Variants in GABBR2 observed in about 807,000 individuals in gnomAD.
The protein encoded by GABBR2 is gamma-aminobutyric acid type B receptor subunit 2.
Under a neutral mutation model 105.6 loss-of-function variants are expected in GABBR2, and 23 were observed. That is an observed-to-expected ratio of 0.22 (90% CI 0.16 to 0.31). GABBR2 has a LOEUF of 0.31. GABBR2 is among the 10% of genes least tolerant of loss of function. The probability of loss-of-function intolerance (pLI) is 1.00; values close to 1 mark genes in which losing one functional copy is unlikely to be tolerated. For missense variants in GABBR2, 734 were observed against 1,245.5 expected (o/e 0.59, Z 6.18); for synonymous variants, 478 against 499.7 (o/e 0.96, Z 0.58).
chr9:98,361,570 G>A (rs1831583356), intron 13 of GABBR2, among the ~76,000 whole-genome samples: 1 of 152,184 alleles, frequency 6.6e-6, no homozygotes, highest in African/African-American at 2.4e-5. Context: ...CTGTTCTGTT[G>A]CCTACCTTGC....
chr9:98,501,079 A>G (rs534396897), intron 3 of GABBR2, among the ~76,000 whole-genome samples: 1 of 151,968 alleles, frequency 6.6e-6, no homozygotes, highest in South Asian at 2.1e-4. Flanking sequence ...GAATGTATTA[A>G]CTGAGCAAGG....
chr9:98,591,588 G>T (rs772324073), intron 1 of GABBR2, among the ~76,000 whole-genome samples: 12 of 152,146 alleles, frequency 7.9e-5, no homozygotes, highest in Non-Finnish European at 1.5e-4. Flanking sequence ...CTGGTGGATG[G>T]CTTGGCAAGC....
chr9:98,454,832 C>G lies in GABBR2; in HGVS notation c.1000-615G>C, dbSNP rs1217509722. ...GCTCAGTCCATACCTCCTTCCCCTT[C>G]TAGCATCAGTAGCTCCCTGTACCCT... On this transcript the variant is annotated intron_variant, in intron 6 of 18. Transcript: ENST00000259455. The surrounding 1 kb of genome is among the most constrained non-coding windows in gnomAD (Gnocchi z 4.6). Among the ~76,000 whole-genome samples, 1 of 150,772 alleles carries G rather than the reference C, an allele frequency of 6.6e-6. No homozygotes were observed. Among genetic ancestry groups the G allele is most frequent in the African/African-American group, 2.4e-5 (1 of 41,162 alleles).
intron 1 of GABBR2, among the ~76,000 whole-genome samples, chr9:98,697,005 G>A (rs1830761385): frequency 6.6e-6 from 1 of 152,072 alleles, no homozygotes; most frequent in South Asian, 2.1e-4. Context: ...GTTTTTATCG[G>A]AGAAAAAAAA....
intron 1 of GABBR2, among the ~76,000 whole-genome samples, chr9:98,702,452 T>C (rs1397422649): frequency 1.3e-5 from 2 of 152,200 alleles, no homozygotes; most frequent in Non-Finnish European, 2.9e-5. Flanking sequence ...AGGCTCATTC[T>C]GTCTCCAGTC....
intron 17 of GABBR2, among the ~76,000 whole-genome samples, chr9:98,297,002 A>G (rs981298217): frequency 7.9e-5 from 12 of 152,052 alleles, no homozygotes; most frequent in Non-Finnish European, 1.6e-4. Context: ...GGTTTCTTCT[A>G]GTACTTTCAT....
intron 1 of GABBR2, among the ~76,000 whole-genome samples, chr9:98,601,682 T>C (rs963109442): frequency 6.6e-6 from 1 of 152,172 alleles, no homozygotes; most frequent in Admixed American, 6.5e-5. Context: ...CAAAGTCAGC[T>C]CTGTTAAAAA....
At chr9:98,580,182 GC>G (rs1360239584) in intron 1 of GABBR2, among the ~76,000 whole-genome samples, 16 of 152,020 alleles carry the variant, frequency 1.1e-4, no homozygotes, top group African/African-American at 3.9e-4. Context: ...CCACCTCTGG[GC>G]CTTTGCACTT....
intron 5 of GABBR2, among the ~76,000 whole-genome samples, chr9:98,476,631 T>C (rs1015990091): frequency 3.3e-5 from 5 of 152,338 alleles, no homozygotes; most frequent in Non-Finnish European, 7.4e-5. Context: ...TGGTAACCCA[T>C]AGTTTCATTC....
chr9:98,605,981 A>G (rs1235156896), intron 1 of GABBR2, among the ~76,000 whole-genome samples: 2 of 151,154 alleles, frequency 1.3e-5, no homozygotes, highest in Admixed American at 6.6e-5. Flanking sequence ...GTGTCCAAGC[A>G]TTCTCATTGT....
At position 98,288,594 on chromosome 9, in the gene GABBR2, A is replaced by AAAATT. The variant is rs1359160828; in HGVS notation, c.*1985_*1989dup. On this transcript the variant is annotated 3_prime_UTR_variant, in exon 19 of 19. Coordinates refer to ENST00000259455, the MANE Select transcript of GABBR2 (RefSeq NM_005458.8). The stretch of plus-strand genomic sequence containing the variant: ...CAATTAATTGTCTCTTTCCCTTTGA[A>AAAATT]AAATTAATGTGGTCCTTTAAATTAA... 1 of 152,604 alleles carries AAAATT rather than the reference A, an allele frequency of 6.6e-6. No individual in the cohort carries two copies. The highest frequency in any genetic ancestry group is 2.4e-5 in the African/African-American group (1 of 41,442). 9.5% of individuals were successfully genotyped at this position (152,604 alleles called of 1,614,324 possible).
intron 1 of GABBR2, among the ~76,000 whole-genome samples, chr9:98,591,872 T>C (rs1829150856): frequency 6.6e-6 from 1 of 152,210 alleles, no homozygotes; most frequent in Non-Finnish European, 1.5e-5. Context: ...TATGCTTCAC[T>C]TAAAAAACAA....
intron 8 of GABBR2, among the ~76,000 whole-genome samples, chr9:98,398,115 G>T (rs536669208): frequency 7.2e-5 from 11 of 152,216 alleles, no homozygotes; most frequent in African/African-American, 2.7e-4. Context: ...AATTTTATTT[G>T]GGGTGGGTGT....
intron 3 of GABBR2, among the ~76,000 whole-genome samples, chr9:98,539,932 AG>A (rs375979238): frequency 2.0e-5 from 3 of 148,782 alleles, no homozygotes; most frequent in Non-Finnish European, 4.5e-5. Flanking sequence ...AAAAAAAAAA[AG>A]AAAAAGAAAA....
chr9:98,694,351 G>A (rs1830722704), intron 1 of GABBR2, among the ~76,000 whole-genome samples: 1 of 152,240 alleles, frequency 6.6e-6, no homozygotes. Flanking sequence ...CAATAGCCTG[G>A]CAGTGGATGG....
chr9:98,633,473 A>C (rs1829839296), intron 1 of GABBR2, among the ~76,000 whole-genome samples: 1 of 151,898 alleles, frequency 6.6e-6, no homozygotes, highest in Non-Finnish European at 1.5e-5. Context: ...AGATACAAAA[A>C]AAATAGCTGG....
chr9:98,408,999 G>A (rs1367683950), intron 7 of GABBR2, among the ~76,000 whole-genome samples: 3 of 152,170 alleles, frequency 2.0e-5, no homozygotes, highest in South Asian at 2.1e-4. Context: ...CGCTCAAGAC[G>A]TTATAAGAAA....
rs764809039 is a variant in GABBR2, at chr9:98,303,411, T to G, written c.2242A>C (p.Arg748=). The G allele has an allele frequency of 1.2e-6, 2 of 1,614,092 alleles. No individual in the cohort carries two copies. The stretch of plus-strand genomic sequence containing the variant: ...TGCGTTGCTGCATCTGGGTTTGTTC[T>G]CAGGGTGATGAGCTGAAAGGACAAA... ...LVFVPKLITL[R]TNPDAATQNR... The change falls in exon 16 of 19, where the codon AGA becomes CGA. Residue 748 remains arginine, a synonymous_variant. Transcript: ENST00000259455.
chr9:98,498,829 G>A (rs56301029), intron 3 of GABBR2, among the ~76,000 whole-genome samples: 1 of 152,116 alleles, frequency 6.6e-6, no homozygotes, highest in Non-Finnish European at 1.5e-5. Context: ...TCTGGATACA[G>A]GTGGGCCCCA....
Sources: allele counts gnomAD v4.1 joint callset (sites outside exome capture counted in the v4.1 genomes callset), GRCh38; gene constraint gnomAD v4.1.1; non-coding constraint Gnocchi (gnomAD v3.1); transcripts MANE v1.5; gene names NCBI Gene and HGNC (gene_info 2026-07-23, HGNC 2026-07-21).